MTHFD1: variants seen among roughly 807,000 people sequenced by gnomAD.
MTHFD1 encodes the protein methylenetetrahydrofolate dehydrogenase, cyclohydrolase and formyltetrahydrofolate synthetase 1.
In MTHFD1, 44 loss-of-function variants were observed where a neutral mutation model predicts 110.3. The ratio of observed to expected loss-of-function variants is 0.40; its 90% confidence interval spans 0.31 to 0.51. MTHFD1 has a LOEUF of 0.51. Ranked by LOEUF, MTHFD1 falls within the 20% of genes least tolerant of loss-of-function variation. MTHFD1 has a pLI of 0.60. For missense variants in MTHFD1, 909 were observed against 1,173.1 expected (o/e 0.77, Z 3.29); for synonymous variants, 402 against 428.8 (o/e 0.94, Z 0.77).
intron 17 of MTHFD1, 60 bp from the exon 18 acceptor site, chr14:64,440,066 C>T: frequency 6.5e-7 from 1 of 1,537,340 alleles, no homozygotes; most frequent in Non-Finnish European, 8.9e-7. Context: ...ATCACTTTTG[C>T]AATTCACACT....
In MTHFD1 at chr14:64,442,132, G is replaced by T; in HGVS notation, c.1963G>T (p.Ala655Ser). ...GNSSIIADRI[A>S]LKLVGPEGFV... is the part of the protein sequence containing the mutation. Reference sequence around the variant, plus strand: ...TTCCTCCATCATTGCAGACCGGATCGCACTCAAGCTTGTTGGCCCAGAAGG... The same window carrying T: ...TTCCTCCATCATTGCAGACCGGATCTCACTCAAGCTTGTTGGCCCAGAAGG... Residue 655 changes from alanine to serine, a missense_variant, in exon 20 of 28, where the codon GCA (alanine) becomes TCA (serine). Physicochemically the swap from Ala to Ser is moderately conservative, Grantham distance 99. Coordinates refer to ENST00000652337, the MANE Select transcript of MTHFD1 (RefSeq NM_005956.4). 6.2e-7 allele frequency: 1 copy of T among 1,614,094 alleles called. No homozygotes were observed. Among genetic ancestry groups the T allele is most frequent in the Non-Finnish European group, 8.5e-7 (1 of 1,180,006 alleles).
chr14:64,452,873 T>C (rs1055267314), intron 24 of MTHFD1, among the ~76,000 whole-genome samples: 1 of 151,958 alleles, frequency 6.6e-6, no homozygotes, highest in African/African-American at 2.4e-5. Flanking sequence ...TTTTTAATTT[T>C]TATTATTATT....
intron 1 of MTHFD1, among the ~76,000 whole-genome samples, 187 bp from the exon 2 acceptor site, chr14:64,400,606 T>G (rs910524027): frequency 6.6e-6 from 1 of 152,204 alleles, no homozygotes; most frequent in African/African-American, 2.4e-5. Context: ...AAGGATCGCT[T>G]GAGCCCAGGA....
intron 8 of MTHFD1, among the ~76,000 whole-genome samples, chr14:64,420,684 G>A (rs538413946): frequency 2.2e-4 from 34 of 152,026 alleles, no homozygotes; most frequent in African/African-American, 6.5e-4. Flanking sequence ...CCGTGCTCTC[G>A]CCTTGCCACG....
chr14:64,399,148 G>A (rs1045431307), intron 1 of MTHFD1, among the ~76,000 whole-genome samples: 1 of 152,164 alleles, frequency 6.6e-6, no homozygotes, highest in Non-Finnish European at 1.5e-5. Flanking sequence ...TCTTACTAGT[G>A]CAGGTTGAGC....
intron 14 of MTHFD1, 69 bp from the exon 15 acceptor site, chr14:64,431,718 G>A (rs2078161863): frequency 6.3e-7 from 1 of 1,593,834 alleles, no homozygotes; most frequent in Non-Finnish European, 8.6e-7. Flanking sequence ...TGGTGTCTTG[G>A]GTGCTGAGGA....
intron 1 of MTHFD1, among the ~76,000 whole-genome samples, chr14:64,400,427 C>T (rs554243077): frequency 8.5e-5 from 13 of 152,166 alleles, no homozygotes; most frequent in Middle Eastern, 3.4e-3. Context: ...CAGTGGCTCA[C>T]GCCTGTAATC....
At chr14:64,401,348 G>T (rs1402139021) in intron 2 of MTHFD1, among the ~76,000 whole-genome samples, 1 of 152,086 alleles carries the variant, frequency 6.6e-6, no homozygotes, top group Non-Finnish European at 1.5e-5. Flanking sequence ...TCTTAAAGAT[G>T]TAAGACCTCA....
At chr14:64,451,901 T>C (rs1006416200) in intron 24 of MTHFD1, among the ~76,000 whole-genome samples, 3 of 152,262 alleles carry the variant, frequency 2.0e-5, no homozygotes, top group Non-Finnish European at 4.4e-5. Flanking sequence ...TTATTGAATG[T>C]TCACTTTATT....
At chr14:64,400,707 TAAAAG>T in intron 1 of MTHFD1, 81 bp from the exon 2 acceptor site, 2 of 909,308 alleles carry the variant, frequency 2.2e-6, no homozygotes, top group Non-Finnish European at 3.6e-6. Context: ...AACAAACAAA[TAAAAG>T]AGAAATACAT....
chr14:64,433,605 G>A (rs73263765), intron 15 of MTHFD1, among the ~76,000 whole-genome samples: 9,374 of 151,552 alleles, frequency 0.062, 510 homozygotes, highest in African/African-American at 0.16. Context: ...TGTAGAGACC[G>A]GGTTTTGCCG....
rs1450835498 is a variant in MTHFD1, at chr14:64,417,592, G to T, written c.479-296G>T. 6.6e-6 allele frequency among the ~76,000 whole-genome samples: 1 copy of T among 152,020 alleles called. No individual in the cohort carries two copies. Among genetic ancestry groups the T allele is most frequent in the East Asian group, 1.9e-4 (1 of 5,192 alleles). On this transcript the variant is annotated intron_variant, in intron 6 of 27. Coordinates refer to ENST00000652337, the MANE Select transcript of MTHFD1 (RefSeq NM_005956.4). The surrounding 1 kb of genome is among the most constrained non-coding windows in gnomAD (Gnocchi z 4.4). Reference sequence around the variant, plus strand: ...GTATGGCTGATTAGCTGTATGTCAGGGTTTCTTTTTTCTTTGAGTGTAGGT... The same window carrying T: ...GTATGGCTGATTAGCTGTATGTCAGTGTTTCTTTTTTCTTTGAGTGTAGGT...
intron 17 of MTHFD1, chr14:64,439,395 G>A: frequency 3.4e-6 from 2 of 584,002 alleles, no homozygotes; most frequent in Non-Finnish European, 6.2e-6. Flanking sequence ...ATTTTTTCCT[G>A]GAGGTGGAGA....
chr14:64,419,755 T>G (rs1013427384), intron 7 of MTHFD1, 59 bp from the exon 8 acceptor site: 81 of 1,074,456 alleles, frequency 7.5e-5, no homozygotes, highest in Non-Finnish European at 9.6e-5. Context: ...CATTTCTGGG[T>G]TTTTTTTTGG....
intron 24 of MTHFD1, among the ~76,000 whole-genome samples, chr14:64,450,830 CCT>C (rs1203215825): frequency 1.3e-5 from 2 of 152,086 alleles, no homozygotes; most frequent in Non-Finnish European, 2.9e-5. Flanking sequence ...ACCTCAGCCC[CCT>C]GAGTAGGTGG....
chr14:64,388,427 C>A lies in MTHFD1; in HGVS notation c.-1C>A, dbSNP rs1301551613. ...TCGTGGGCAGCGGACTAATAAAGGC[C>A]ATGGCGCCAGCAGAAATCCTGAACG... On this transcript the variant is annotated 5_prime_UTR_variant, in exon 1 of 28. Coordinates refer to ENST00000652337, the MANE Select transcript of MTHFD1 (RefSeq NM_005956.4). 13 of 1,614,062 alleles carry A rather than the reference C, an allele frequency of 8.1e-6. No homozygotes were observed. The highest frequency in any genetic ancestry group is 1.0e-5 in the Non-Finnish European group (12 of 1,180,050).
chr14:64,459,589 A>G (rs528962753), intron 27 of MTHFD1, among the ~76,000 whole-genome samples, 170 bp from the exon 28 acceptor site: 1 of 152,236 alleles, frequency 6.6e-6, no homozygotes, highest in East Asian at 1.9e-4. Context: ...AATACCATGC[A>G]TCATTTTCAA....
chr14:64,409,965 C>T (rs1159391854), intron 2 of MTHFD1, among the ~76,000 whole-genome samples: 1 of 152,192 alleles, frequency 6.6e-6, no homozygotes. Flanking sequence ...AAGGGACCAC[C>T]ACCTTTCCCT....
intron 8 of MTHFD1, among the ~76,000 whole-genome samples, chr14:64,421,759 G>A (rs1270348579): frequency 6.6e-6 from 1 of 152,110 alleles, no homozygotes; most frequent in Non-Finnish European, 1.5e-5. Context: ...GAGTAGCTGG[G>A]ACTACAGGCG....
Sources: gnomAD v4.1 joint callset for allele counts (sites outside exome capture counted in the v4.1 genomes callset) on GRCh38, gnomAD v4.1.1 for gene constraint, Gnocchi (gnomAD v3.1) non-coding constraint, MANE v1.5 for transcripts, NCBI Gene and HGNC (gene_info 2026-07-23, HGNC 2026-07-21) for gene names.